PIWIL2: variants seen among roughly 807,000 people sequenced by gnomAD.
PIWIL2 encodes the protein piwi-like protein 2.
PIWIL2 carries 81 observed loss-of-function variants against 116.5 expected under a neutral mutation model. That is an observed-to-expected ratio of 0.70 (90% CI 0.58 to 0.84). The LOEUF is 0.84. Ranked by LOEUF, PIWIL2 falls within the 40% of genes least tolerant of loss-of-function variation. The pLI is 0.00. For synonymous variants in PIWIL2, 489 were observed against 429.5 expected (o/e 1.14, Z -1.71); for missense variants, 1,272 against 1,212.3 (o/e 1.05, Z -0.73).
intron 20 of PIWIL2, among the ~76,000 whole-genome samples, chr8:22,319,718 G>T (rs1831550250): frequency 6.6e-6 from 1 of 152,182 alleles, no homozygotes; most frequent in Admixed American, 6.5e-5. Flanking sequence ...GGCTCTTTGG[G>T]CCTCCTCCTT....
chr8:22,339,351 C>CA lies in PIWIL2; in HGVS notation c.2404-13601dup, dbSNP rs1435982687. The stretch of plus-strand genomic sequence containing the variant: ...TGAAACCCCATCTCTACTAAAAATA[C>CA]AAAAAAATTAGCTGGGCGTGGTGGC... On this transcript the variant is annotated intron_variant, in intron 20 of 22. Transcript: ENST00000356766. Among the ~76,000 whole-genome samples, 23 of 151,844 alleles carry CA rather than the reference C, an allele frequency of 1.5e-4. 1 individual carries two copies. In the East Asian group the frequency reaches 2.9e-3, roughly 19 times the overall value.
chr8:22,329,684 C>T (rs902356519), intron 20 of PIWIL2, among the ~76,000 whole-genome samples: 1 of 152,224 alleles, frequency 6.6e-6, no homozygotes, highest in African/African-American at 2.4e-5. Context: ...GACACACATT[C>T]AGACTGTAGC....
chr8:22,337,892 G>A (rs1332249672), intron 20 of PIWIL2, among the ~76,000 whole-genome samples: 3 of 152,022 alleles, frequency 2.0e-5, no homozygotes, highest in South Asian at 2.1e-4. Context: ...GCTGGAGTTC[G>A]AGACCAGCCT....
chr8:22,333,282 G>C (rs988480857), intron 20 of PIWIL2, among the ~76,000 whole-genome samples: 1 of 152,116 alleles, frequency 6.6e-6, no homozygotes, highest in Non-Finnish European at 1.5e-5. Flanking sequence ...AAAACATGCT[G>C]TGTGAATGAA....
At position 22,279,431 on chromosome 8, in the gene PIWIL2, C is replaced by G. The variant is rs900099063; in HGVS notation, c.45C>G (p.His15Gln). 1 of 1,614,140 alleles carries G rather than the reference C, an allele frequency of 6.2e-7. No homozygotes were observed. Among genetic ancestry groups the G allele is most frequent in the Non-Finnish European group, 8.5e-7 (1 of 1,179,984 alleles). Residue 15 changes from histidine (H) to glutamine (Q), a missense_variant, in exon 2 of 23, where the codon CAC becomes CAG. Physicochemically the swap from His to Gln is conservative, Grantham distance 24. Transcript: ENST00000356766. The stretch of plus-strand genomic sequence containing the variant: ...CGTTCAGGGGCCAGTCTCCTATCCA[C>G]CCATCCCAGTGCCAGGCTGTACGGA... Reference protein sequence around the residue: ...RPSFRGQSPIHPSQCQAVRMP... With the variant: ...RPSFRGQSPIQPSQCQAVRMP...
At chr8:22,316,768 C>A (rs997531268) in intron 19 of PIWIL2, among the ~76,000 whole-genome samples, 1 of 151,840 alleles carries the variant, frequency 6.6e-6, no homozygotes, top group African/African-American at 2.4e-5. Flanking sequence ...AGGCGTGAGC[C>A]ATCATGCCCG....
intron 1 of PIWIL2, chr8:22,275,762 G>A (rs569733065): frequency 2.0e-5 from 3 of 152,402 alleles, no homozygotes; most frequent in Admixed American, 6.5e-5. Context: ...CCTTGCTTCT[G>A]GTTAGGCCCG....
At chr8:22,281,737 T>G (rs1563344483) in intron 4 of PIWIL2, among the ~76,000 whole-genome samples, 1 of 151,592 alleles carries the variant, frequency 6.6e-6, no homozygotes, top group Non-Finnish European at 1.5e-5. Context: ...AATTCATTTG[T>G]CCTCTTAAAA....
At chr8:22,337,649 G>A (rs1351192237) in intron 20 of PIWIL2, among the ~76,000 whole-genome samples, 2 of 151,758 alleles carry the variant, frequency 1.3e-5, no homozygotes, top group Admixed American at 1.3e-4. Context: ...AGAATAGCTT[G>A]TACCTGGGAG....
In PIWIL2 at chr8:22,304,198, G is replaced by C; in HGVS notation, c.1359G>C (p.Leu453Phe). Residue 453 changes from leucine to phenylalanine, a missense_variant, in exon 11 of 23, where the codon TTG becomes TTC. Physicochemically the swap from Leu to Phe is conservative, Grantham distance 22. Coordinates refer to ENST00000356766, the MANE Select transcript of PIWIL2 (RefSeq NM_018068.5). ...TMSDGKEITFLEYYSKNYGIT... is the reference protein window; with the variant it reads ...TMSDGKEITFFEYYSKNYGIT... ...CTGATGGGAAAGAGATCACATTCTT[G>C]GAATACTACAGGTAGCAAGAAGAGA... 6.2e-7 allele frequency: 1 copy of C among 1,612,484 alleles called. No individual in the cohort carries two copies. The highest frequency in any genetic ancestry group is 8.5e-7 in the Non-Finnish European group (1 of 1,178,908).
intron 10 of PIWIL2, among the ~76,000 whole-genome samples, chr8:22,293,343 T>C (rs1830808746): frequency 6.6e-6 from 1 of 152,140 alleles, no homozygotes; most frequent in African/African-American, 2.4e-5. Flanking sequence ...TTTCCTTTTT[T>C]TTTTGTCTTT....
intron 19 of PIWIL2, 107 bp from the exon 20 acceptor site, chr8:22,318,063 G>T: frequency 4.7e-6 from 3 of 640,346 alleles, no homozygotes; most frequent in South Asian, 2.0e-5. Context: ...ACTTGTTTTT[G>T]GATTGATTGG....
intron 18 of PIWIL2, 29 bp downstream of exon 18, chr8:22,315,174 C>T (rs371919763): frequency 1.6e-6 from 2 of 1,224,048 alleles, no homozygotes; most frequent in East Asian, 2.3e-5. Context: ...GTTCAGTTTG[C>T]CTCTCCAGAG....
At chr8:22,308,111 G>C in intron 14 of PIWIL2, 38 bp downstream of exon 14, 1 of 1,539,750 alleles carries the variant, frequency 6.5e-7, no homozygotes, top group Non-Finnish European at 8.9e-7. Flanking sequence ...CACATGTACA[G>C]AGACACGTGT....
At chr8:22,301,007 C>CAA (rs1367656010) in intron 10 of PIWIL2, among the ~76,000 whole-genome samples, 1 of 150,398 alleles carries the variant, frequency 6.6e-6, no homozygotes, top group South Asian at 2.1e-4. Flanking sequence ...TTTTTTGAGA[C>CAA]AGAGTCTTGC....
In PIWIL2 at chr8:22,283,716, G is replaced by A. The variant is rs987693528; in HGVS notation, c.633-446G>A. 3.9e-5 allele frequency among the ~76,000 whole-genome samples: 6 copies of A among 152,286 alleles called. No individual in the cohort carries two copies. In the Middle Eastern group the frequency reaches 0.01, roughly 259 times the overall value. ...GAGCCACTGTGTCCGGCCAAGGTGG[G>A]ACAATTTCTGAAGTTAGATGTGTTT... On this transcript the variant is annotated intron_variant, in intron 5 of 22. Transcript: ENST00000356766.
intron 20 of PIWIL2, among the ~76,000 whole-genome samples, chr8:22,323,391 C>T (rs1260052491): frequency 2.6e-5 from 4 of 152,112 alleles, no homozygotes; most frequent in Non-Finnish European, 5.9e-5. Flanking sequence ...CGTGATCCGC[C>T]GGCCTCAGCC....
At chr8:22,304,650 G>A (rs561110281) in intron 11 of PIWIL2, 134 bp from the exon 12 acceptor site, 9 of 548,694 alleles carry the variant, frequency 1.6e-5, no homozygotes, top group African/African-American at 5.6e-5. Context: ...TATTATGATC[G>A]GTTTGCAGTG....
chr8:22,331,859 A>G (rs1831869652), intron 20 of PIWIL2, among the ~76,000 whole-genome samples: 2 of 152,090 alleles, frequency 1.3e-5, no homozygotes, highest in South Asian at 4.1e-4. Context: ...TTTAACCTTA[A>G]GTACCTCTTT....
Sources: gnomAD v4.1 joint callset for allele counts (sites outside exome capture counted in the v4.1 genomes callset) on GRCh38, gnomAD v4.1.1 for gene constraint, MANE v1.5 for transcripts, NCBI Gene and HGNC (gene_info 2026-07-23, HGNC 2026-07-21) for gene names.